NDE1: variants seen among roughly 807,000 people sequenced by gnomAD.
The protein encoded by NDE1 is nudE neurodevelopment protein 1.
NDE1 carries 28 observed loss-of-function variants against 43.4 expected under a neutral mutation model. The ratio of observed to expected loss-of-function variants is 0.65; its 90% CI spans 0.48 to 0.89. The LOEUF (loss-of-function observed/expected upper bound fraction) is 0.89. NDE1 is among the 40% of genes least tolerant of loss of function. The pLI is 0.00. For missense variants in NDE1, 441 were observed against 434.1 expected (o/e 1.02, Z -0.14); for synonymous variants, 184 against 172.0 (o/e 1.07, Z -0.55).
intron 3 of NDE1, among the ~76,000 whole-genome samples, chr16:15,676,010 T>C (rs1372391930): frequency 1.3e-5 from 2 of 152,060 alleles, no homozygotes; most frequent in Admixed American, 1.3e-4. Context: ...AGAATAAGTA[T>C]GTAATGGATG....
At chr16:15,674,368 C>T (rs1360840647) in intron 3 of NDE1, among the ~76,000 whole-genome samples, 1 of 152,034 alleles carries the variant, frequency 6.6e-6, no homozygotes, top group Non-Finnish European at 1.5e-5. Context: ...CTCAGCCTCC[C>T]GAGTGGCTGG....
chr16:15,657,902 C>G (rs2036850724), intron 1 of NDE1, among the ~76,000 whole-genome samples: 1 of 152,130 alleles, frequency 6.6e-6, no homozygotes, highest in Admixed American at 6.6e-5. Context: ...GCGCCAGGCA[C>G]CACTCTACCC....
At position 15,725,331 on chromosome 16, in the gene NDE1, A is replaced by T; in HGVS notation, c.*1080A>T. On this transcript the variant is annotated 3_prime_UTR_variant, in exon 9 of 9. Coordinates refer to ENST00000396354, the MANE Select transcript of NDE1 (RefSeq NM_017668.3). Reference sequence around the variant, plus strand: ...CTGCCAAGGTTGGTAGAGACAAAGCAGCAGGTCTGAGAGTCCAGACGAGGT... The same window carrying T: ...CTGCCAAGGTTGGTAGAGACAAAGCTGCAGGTCTGAGAGTCCAGACGAGGT... 1.8e-6 allele frequency: 1 copy of T among 561,708 alleles called. No individual in the cohort carries two copies. Among genetic ancestry groups the T allele is most frequent in the South Asian group, 2.2e-5 (1 of 45,186 alleles). 34.8% of individuals were successfully genotyped at this position (561,708 alleles called of 1,614,324 possible). A position where few individuals can be genotyped will look rare whatever the true frequency, so the allele number is the denominator to read the frequency against.
In NDE1 at chr16:15,724,245, C is replaced by T. The variant is rs1060504021; in HGVS notation, c.1002C>T (p.Ser334=). Residue 334 remains serine (S), a synonymous_variant, in exon 9 of 9, where the codon TCC becomes TCT. Coordinates refer to ENST00000396354, the MANE Select transcript of NDE1 (RefSeq NM_017668.3). The part of the protein sequence containing the change: ...LSKSTTRSSS[S]C Reference sequence around the variant, plus strand: ...AATCAACAACCAGGTCGTCCAGCTCCTGCTGAAGCCTGTTCTTGGTCTTTT... The same window carrying T: ...AATCAACAACCAGGTCGTCCAGCTCTTGCTGAAGCCTGTTCTTGGTCTTTT... 2 of 1,614,228 alleles carry T rather than the reference C, an allele frequency of 1.2e-6. No individual in the cohort carries two copies. Among genetic ancestry groups the T allele is most frequent in the Non-Finnish European group, 1.7e-6 (2 of 1,180,050 alleles).
rs755754873 is a variant in NDE1 at position 15,721,385 on chromosome 16, G to GAA, written c.948-2804_948-2803dup. 8.8e-5 allele frequency: 141 copies of GAA among 1,607,430 alleles called. No individual in the cohort carries two copies. In the East Asian group the frequency reaches 3.0e-3, roughly 34 times the overall value. ...TGAATAGCACAGAGGGTGGGCAGGC[G>GAA]AAACATGGACGAGAAAAACCACCCA... is the stretch of plus-strand genomic sequence containing the variant. On this transcript the variant is annotated intron_variant, in intron 8 of 8. Transcript: ENST00000396354.
intron 8 of NDE1, among the ~76,000 whole-genome samples, chr16:15,715,791 C>T (rs1051993842): frequency 2.6e-5 from 4 of 152,126 alleles, no homozygotes; most frequent in African/African-American, 7.2e-5. Context: ...GGACTACAGG[C>T]GTACACCAGC....
chr16:15,721,895 T>C (rs1023121968), intron 8 of NDE1, among the ~76,000 whole-genome samples: 2 of 152,182 alleles, frequency 1.3e-5, no homozygotes, highest in African/African-American at 4.8e-5. Flanking sequence ...TCTCACTTTG[T>C]CACCCAGGCT....
intron 8 of NDE1, among the ~76,000 whole-genome samples, chr16:15,710,911 C>T (rs1355506686): frequency 1.3e-5 from 2 of 152,166 alleles, no homozygotes; most frequent in African/African-American, 4.8e-5. Context: ...CTCCTGACCT[C>T]AGGTGATCAG....
chr16:15,647,071 G>C (rs2036345436), upstream of NDE1, among the ~76,000 whole-genome samples: 1 of 152,158 alleles, frequency 6.6e-6, no homozygotes, highest in South Asian at 2.1e-4. Flanking sequence ...AAATTCCAAG[G>C]GGGAAGGCAT....
At position 15,675,471 on chromosome 16, in the gene NDE1, C is replaced by T. The variant is rs1378707478; in HGVS notation, c.238-2330C>T. Among the ~76,000 whole-genome samples the T allele has an allele frequency of 2.7e-5, 4 of 148,910 alleles. No homozygotes were observed. In the South Asian group the frequency reaches 8.4e-4, roughly 31 times the overall value. On this transcript the variant is annotated intron_variant, in intron 3 of 8. Coordinates refer to ENST00000396354, the MANE Select transcript of NDE1 (RefSeq NM_017668.3). Reference sequence around the variant, plus strand: ...TTTTTTTAAGTGTCGTGGTCTCACTCTGTGGCCTGGGCGGGAGTGCAGCGG... The same window carrying T: ...TTTTTTTAAGTGTCGTGGTCTCACTTTGTGGCCTGGGCGGGAGTGCAGCGG...
Position 15,708,686 on chromosome 16 carries a change from A to G in NDE1, c.947+11826A>G, listed in dbSNP as rs1475635940. ...AGATATCCAAGCCTCCAGATTTTGC[A>G]AGAATCTCGTGGAAATGTGCAAGGG... On this transcript the variant is annotated intron_variant, in intron 8 of 8. Coordinates refer to ENST00000396354, the MANE Select transcript of NDE1 (RefSeq NM_017668.3). 10 of 1,134,796 alleles carry G rather than the reference A, an allele frequency of 8.8e-6. No individual in the cohort carries two copies. In the African/African-American group the frequency reaches 1.4e-4, roughly 16 times the overall value. 70.3% of individuals were successfully genotyped at this position (1,134,796 alleles called of 1,614,324 possible).
chr16:15,720,355 G>A (rs778880114), intron 8 of NDE1: 6 of 1,595,244 alleles, frequency 3.8e-6, no homozygotes, highest in East Asian at 2.3e-5. Flanking sequence ...CTTGCCCCTG[G>A]GAGGTCCTTT....
intron 8 of NDE1, among the ~76,000 whole-genome samples, chr16:15,709,580 G>C (rs1350039222): frequency 6.6e-6 from 1 of 152,168 alleles, no homozygotes; most frequent in Non-Finnish European, 1.5e-5. Flanking sequence ...CTCCCAAAGA[G>C]CTGGGATTAC....
chr16:15,696,168 A>G (rs766268212), intron 7 of NDE1, among the ~76,000 whole-genome samples: 6 of 148,434 alleles, frequency 4.0e-5, no homozygotes, highest in Admixed American at 2.7e-4. Context: ...CAGCTCCCAA[A>G]CATTTTAAAA....
rs572790932 is a variant in NDE1, at chr16:15,664,790, C to G, written c.12C>G (p.Ser4=). The G allele has an allele frequency of 4.3e-6, 7 of 1,612,800 alleles. No individual in the cohort carries two copies. In the South Asian group the frequency reaches 7.7e-5, roughly 18 times the overall value. The change falls in exon 2 of 9, where the codon TCC becomes TCG. Residue 4 remains serine (S), a synonymous_variant. Coordinates refer to ENST00000396354, the MANE Select transcript of NDE1 (RefSeq NM_017668.3). MED[S]GKTFSSEEEE... is the part of the protein sequence containing the mutation. ...CCCCTGTTTTCACAATGGAGGACTC[C>G]GGAAAGACTTTCAGCTCCGAGGAGG...
chr16:15,655,196 C>A (rs2036700589), intron 1 of NDE1, among the ~76,000 whole-genome samples: 1 of 151,952 alleles, frequency 6.6e-6, no homozygotes, highest in African/African-American at 2.4e-5. Flanking sequence ...TTTTGTGTTT[C>A]TAGTAGAGAC....
intron 8 of NDE1, chr16:15,721,132 C>CCCTGATCTCCTG: frequency 6.7e-7 from 1 of 1,483,022 alleles, no homozygotes; most frequent in Non-Finnish European, 9.3e-7. Flanking sequence ...AGCGGCACCT[C>CCCTGATCTCCTG]AGGAGATCAG....
At chr16:15,677,115 T>C (rs2037922002) in intron 3 of NDE1, among the ~76,000 whole-genome samples, 2 of 152,156 alleles carry the variant, frequency 1.3e-5, no homozygotes, top group South Asian at 4.1e-4. Flanking sequence ...CCGTTGTGCC[T>C]GCTTTGAATG....
In NDE1 at chr16:15,664,735, G is replaced by A. The variant is rs1298056082; in HGVS notation, c.-43-1G>A. Reference sequence around the variant, plus strand: ...AATCATTTTGAAACCTTCTCTCCTAGACACCATGCCACAAGGAGAGTGATC... The same window carrying A: ...AATCATTTTGAAACCTTCTCTCCTAAACACCATGCCACAAGGAGAGTGATC... On this transcript the variant is annotated splice_acceptor_variant, in intron 1 of 8. Coordinates refer to ENST00000396354, the MANE Select transcript of NDE1 (RefSeq NM_017668.3). LOFTEE classifies it low-confidence loss of function (5UTR_SPLICE). 3 of 1,420,736 alleles carry A rather than the reference G, an allele frequency of 2.1e-6. No homozygotes were observed. In the South Asian group the frequency reaches 3.4e-5, roughly 16 times the overall value. 88.0% of individuals were successfully genotyped at this position (1,420,736 alleles called of 1,614,324 possible). A position where few individuals can be genotyped will look rare whatever the true frequency, so the allele number is the denominator to read the frequency against.
Sources: allele counts gnomAD v4.1 joint callset (sites outside exome capture counted in the v4.1 genomes callset), GRCh38; gene constraint gnomAD v4.1.1; transcripts MANE v1.5; gene names NCBI Gene and HGNC (gene_info 2026-07-23, HGNC 2026-07-21).